Variants in OSR2 observed in about 807,000 individuals in gnomAD.
The protein encoded by OSR2 is odd-skipped related transciption factor 2, also known as protein odd-skipped-related 2.
OSR2 carries 8 observed loss-of-function variants against 22.3 expected under a neutral mutation model. The ratio of observed to expected loss-of-function variants is 0.36; its 90% CI spans 0.21 to 0.65. The LOEUF is 0.65. OSR2 is among the 30% of genes least tolerant of loss of function. OSR2 has a pLI of 0.66. For missense variants in OSR2, 311 were observed against 413.4 expected (o/e 0.75, Z 2.15); for synonymous variants, 179 against 173.8 (o/e 1.03, Z -0.23).
rs924989747 is a variant in OSR2, at chr8:98,949,938, C to G, written c.656+330C>G. 1.3e-5 allele frequency among the ~76,000 whole-genome samples: 2 copies of G among 152,030 alleles called. No homozygotes were observed. The highest frequency in any genetic ancestry group is 2.9e-5 in the Non-Finnish European group (2 of 67,992). On this transcript the variant is annotated intron_variant, in intron 2 of 3. Transcript: ENST00000297565. This position sits in a 1 kb window ranked among gnomAD's most constrained non-coding sequence, Gnocchi z 5.9. ...GCAGAACCCAGGTACCCTGGGGTGC[C>G]GGTCCTGGCTGCAGTCGGGCTACTT...
chr8:98,950,619 CAA>C, intron 2 of OSR2, 35 bp from the exon 3 acceptor site: 1 of 1,387,974 alleles, frequency 7.2e-7, no homozygotes, highest in South Asian at 1.2e-5. Context: ...CACCATGGGG[CAA>C]AGTTATTTCA....
Position 98,944,447 on chromosome 8 carries a change from G to C in OSR2, c.-491G>C, listed in dbSNP as rs1225571497. ...CAAGACTCCCGGCCTGGGGCAGCCT[G>C]GGGAGGGACGCGGGCGGGGACGGAG... On this transcript the variant is annotated 5_prime_UTR_variant, in exon 1 of 4. Transcript: ENST00000297565. 6.6e-6 allele frequency: 1 copy of C among 152,320 alleles called. No individual in the cohort carries two copies. Among genetic ancestry groups the C allele is most frequent in the Non-Finnish European group, 1.5e-5 (1 of 68,142 alleles). 9.4% of individuals were successfully genotyped at this position (152,320 alleles called of 1,614,324 possible). A position where few individuals can be genotyped will look rare whatever the true frequency, so the allele number is the denominator to read the frequency against.
At chr8:98,947,013 T>A (rs1476383891) in intron 1 of OSR2, among the ~76,000 whole-genome samples, 1 of 152,076 alleles carries the variant, frequency 6.6e-6, no homozygotes, top group Non-Finnish European at 1.5e-5. Flanking sequence ...TCAGGTAGAT[T>A]ACCAGGAATG....
At chr8:98,946,371 G>T (rs903053779) in intron 1 of OSR2, 4 of 152,182 alleles carry the variant, frequency 2.6e-5, no homozygotes, top group Non-Finnish European at 4.4e-5. Context: ...TACTTCTTTT[G>T]ACATACATTT....
rs1258031724 is a variant in OSR2, at chr8:98,949,724, T to TC, written c.656+117dup. The TC allele has an allele frequency of 4.9e-6, 6 of 1,225,056 alleles. No individual in the cohort carries two copies. The highest frequency in any genetic ancestry group is 5.7e-6 in the Non-Finnish European group (5 of 883,394). 75.9% of individuals were successfully genotyped at this position (1,225,056 alleles called of 1,614,324 possible). A position where few individuals can be genotyped will look rare whatever the true frequency, so the allele number is the denominator to read the frequency against. ...ATCCCCTGTGATCTAAAATACACCC[T>TC]CAGTCACGCTCCTCAGCCCGGTTCA... On this transcript the variant is annotated intron_variant, in intron 2 of 3. Coordinates refer to ENST00000297565, the MANE Select transcript of OSR2 (RefSeq NM_001142462.3). The surrounding 1 kb of genome is among the most constrained non-coding windows in gnomAD (Gnocchi z 5.9).
intron 1 of OSR2, among the ~76,000 whole-genome samples, chr8:98,945,239 A>C (rs1365502614): frequency 6.6e-6 from 1 of 152,236 alleles, no homozygotes; most frequent in Non-Finnish European, 1.5e-5. Flanking sequence ...CTGCCCAGCC[A>C]GCGACGCTGA....
In OSR2 at chr8:98,951,693, G is replaced by T; in HGVS notation, c.931G>T (p.Asp311Tyr). 3 of 1,612,312 alleles carry T rather than the reference G, an allele frequency of 1.9e-6. No homozygotes were observed. Among genetic ancestry groups the T allele is most frequent in the Non-Finnish European group, 2.5e-6 (3 of 1,179,326 alleles). The change falls in exon 4 of 4, where the codon GAC becomes TAC. Residue 311 changes from aspartate (D) to tyrosine (Y), a missense_variant. Around this residue, in one of 5 missense-constraint regions of OSR2, gnomAD observed 70 missense variants for 84.5 expected, o/e 0.83. Transcript: ENST00000297565. ...CAGCCTGACTCACACCCCGCGGCAG[G>T]ACTTCTAGAGAAGCCCAGGATCTGT... Reference protein sequence around the residue: ...RHSLTHTPRQDF With the variant: ...RHSLTHTPRQYF
rs768462790 is a variant in OSR2, at chr8:98,949,102, C to T, written c.150C>T (p.His50=). The T allele has an allele frequency of 1.2e-6, 2 of 1,613,966 alleles. No individual in the cohort carries two copies. Among genetic ancestry groups the T allele is most frequent in the Non-Finnish European group, 1.7e-6 (2 of 1,179,888 alleles). The change falls in exon 2 of 4, where the codon CAC becomes CAT. Residue 50 remains histidine, a synonymous_variant. Transcript: ENST00000297565. The surrounding 1 kb of genome is among the most constrained non-coding windows in gnomAD (Gnocchi z 5.9). The part of the protein sequence containing the change: ...LYGLSAVQTM[H]MNHWTLGYPN... Reference sequence around the variant, plus strand: ...GTCTCAGCGCGGTACAGACCATGCACATGAACCACTGGACGCTGGGGTATC... The same window carrying T: ...GTCTCAGCGCGGTACAGACCATGCATATGAACCACTGGACGCTGGGGTATC...
Position 98,949,686 on chromosome 8 carries a change from C to T in OSR2, c.656+78C>T. On this transcript the variant is annotated intron_variant, in intron 2 of 3. Coordinates refer to ENST00000297565, the MANE Select transcript of OSR2 (RefSeq NM_001142462.3). The surrounding 1 kb of genome is among the most constrained non-coding windows in gnomAD (Gnocchi z 5.9). ...CACACCGAGTCCTGATAGACATTCC[C>T]AGTGTCATTATAATCCCCTGTGATC... 6.7e-7 allele frequency: 1 copy of T among 1,487,084 alleles called. No homozygotes were observed. The highest frequency in any genetic ancestry group is 1.3e-5 in the South Asian group (1 of 76,160). 92.1% of individuals were successfully genotyped at this position (1,487,084 alleles called of 1,614,324 possible).
chr8:98,948,653 G>A lies in OSR2; in HGVS notation c.-114-186G>A. On this transcript the variant is annotated intron_variant, in intron 1 of 3. Coordinates refer to ENST00000297565, the MANE Select transcript of OSR2 (RefSeq NM_001142462.3). This position sits in a 1 kb window ranked among gnomAD's most constrained non-coding sequence, Gnocchi z 6.0. ...GGAGCACTTCTTGTTCTGGCCCCGG[G>A]CTGATCTGCACGCGGACTTGAGCAG... 1.0e-6 allele frequency: 1 copy of A among 967,936 alleles called. No homozygotes were observed. The highest frequency in any genetic ancestry group is 1.5e-6 in the Non-Finnish European group (1 of 674,860). The allele number at this position is 967,936 out of a possible 1,614,324, so 60.0% of individuals were successfully genotyped here.
Position 98,949,061 on chromosome 8 carries a change from C to T in OSR2, c.109C>T (p.Leu37=). ...VNTFPATVDH[L]QGLYGLSAVQ... Reference sequence around the variant, plus strand: ...CACCTTCCCGGCCACGGTGGACCACCTGCAGGGCCTGTACGGTCTCAGCGC... The same window carrying T: ...CACCTTCCCGGCCACGGTGGACCACTTGCAGGGCCTGTACGGTCTCAGCGC... The change falls in exon 2 of 4, where the codon CTG becomes TTG. Residue 37 remains leucine, a synonymous_variant. Transcript: ENST00000297565. This position sits in a 1 kb window ranked among gnomAD's most constrained non-coding sequence, Gnocchi z 5.9. 1 of 1,613,948 alleles carries T rather than the reference C, an allele frequency of 6.2e-7. No homozygotes were observed. The highest frequency in any genetic ancestry group is 8.5e-7 in the Non-Finnish European group (1 of 1,179,892).
At chr8:98,951,160 G>A in intron 3 of OSR2, 2 of 445,734 alleles carry the variant, frequency 4.5e-6, no homozygotes, top group South Asian at 3.9e-5. Context: ...TTCCAGCAAA[G>A]AGGAGCCTTA....
rs4735586 is a variant in OSR2, at chr8:98,944,533, G to C, written c.-405G>C. On this transcript the variant is annotated 5_prime_UTR_variant, in exon 1 of 4. Transcript: ENST00000297565. ...CAAGGCTGTGGGCTCCGACCTCACC[G>C]GGAGTCGACAGCGAGAGGTTCGCCG... 0.091 allele frequency: 13,848 copies of C among 152,370 alleles called. 1,133 individuals carry two copies. The highest frequency in any genetic ancestry group is 0.21 in the African/African-American group (8,931 of 41,554). The allele number at this position is 152,370 out of a possible 1,614,324, so 9.4% of individuals were successfully genotyped here. A position where few individuals can be genotyped will look rare whatever the true frequency, so the allele number is the denominator to read the frequency against.
chr8:98,950,223 C>T (rs532800917), intron 2 of OSR2, among the ~76,000 whole-genome samples: 7 of 152,188 alleles, frequency 4.6e-5, no homozygotes, highest in African/African-American at 9.6e-5. Flanking sequence ...ACCTTTTTAG[C>T]GGTATCTTTT....
chr8:98,951,721 C>A lies in OSR2; in HGVS notation c.*20C>A, dbSNP rs760293229. On this transcript the variant is annotated 3_prime_UTR_variant, in exon 4 of 4. Coordinates refer to ENST00000297565, the MANE Select transcript of OSR2 (RefSeq NM_001142462.3). ...TTCTAGAGAAGCCCAGGATCTGTCC[C>A]GTGCCGCCGCTGCTCCCCTCCCCAG... The A allele has an allele frequency of 3.1e-6, 5 of 1,597,002 alleles. No homozygotes were observed. The highest frequency in any genetic ancestry group is 2.3e-5 in the East Asian group (1 of 44,026).
rs1840702817 is a variant in OSR2 at position 98,949,058 on chromosome 8, C to T, written c.106C>T (p.His36Tyr). The change falls in exon 2 of 4, where the codon CAC becomes TAC. Residue 36 changes from histidine to tyrosine, a missense_variant. Physicochemically the swap from His to Tyr is moderately conservative, Grantham distance 83 (BLOSUM62 2). Around this residue, in one of 5 missense-constraint regions of OSR2, gnomAD observed 146 missense variants for 160.5 expected, o/e 0.91. Transcript: ENST00000297565. The surrounding 1 kb of genome is among the most constrained non-coding windows in gnomAD (Gnocchi z 5.9). The part of the protein sequence containing the change: ...AVNTFPATVD[H>Y]LQGLYGLSAV... ...GAACACCTTCCCGGCCACGGTGGAC[C>T]ACCTGCAGGGCCTGTACGGTCTCAG... The T allele has an allele frequency of 1.2e-6, 2 of 1,613,818 alleles. No individual in the cohort carries two copies. The highest frequency in any genetic ancestry group is 1.7e-5 in the Admixed American group (1 of 60,014).
rs139389106 is a variant in OSR2, at chr8:98,951,920, G to A, written c.*219G>A. ...ATCCCTTCACAAAGAGTATATGCTA[G>A]TTTCTTGTAGATATTCACAGCTCAT... On this transcript the variant is annotated 3_prime_UTR_variant, in exon 4 of 4. Transcript: ENST00000297565. The A allele has an allele frequency of 3.8e-4, 189 of 498,508 alleles. 2 individuals are homozygous for A. In the Admixed American group the frequency reaches 4.4e-3, roughly 12 times the overall value. The allele number at this position is 498,508 out of a possible 1,614,324, so 30.9% of individuals were successfully genotyped here.
rs2132078629 is a variant in OSR2, at chr8:98,944,839, G to A, written c.-115+16G>A. 5 of 152,368 alleles carry A rather than the reference G, an allele frequency of 3.3e-5. No individual in the cohort carries two copies. In the South Asian group the frequency reaches 1.0e-3, roughly 32 times the overall value. The allele number at this position is 152,368 out of a possible 1,614,324, so 9.4% of individuals were successfully genotyped here. On this transcript the variant is annotated intron_variant, in intron 1 of 3. Transcript: ENST00000297565. ...TCTGCGGGAGGTGAGTGTTCGCTCT[G>A]GGAAGGGGCTGTAGCTGCCCTTTGG...
At chr8:98,951,183 A>G (rs1840771315) in intron 3 of OSR2, among the ~76,000 whole-genome samples, 1 of 152,154 alleles carries the variant, frequency 6.6e-6, no homozygotes, top group Admixed American at 6.5e-5. Flanking sequence ...ACCCAGGAGA[A>G]TGTTGTTCCT....
Sources: allele counts gnomAD v4.1 joint callset (sites outside exome capture counted in the v4.1 genomes callset), GRCh38; gene constraint gnomAD v4.1.1; regional missense constraint gnomAD v4.1.1; non-coding constraint Gnocchi (gnomAD v3.1); transcripts MANE v1.5; gene names NCBI Gene and HGNC (gene_info 2026-07-23, HGNC 2026-07-21).